The following P2RY12 variants were observed in gnomAD, a reference collection of about 807,000 sequenced individuals.
P2RY12 encodes P2Y purinoceptor 12.
In P2RY12, 3 loss-of-function variants were observed where a neutral mutation model predicts 4.5. That is an observed-to-expected ratio of 0.67 (90% CI 0.31 to 1.74). The LOEUF is 1.74. Among genes scored for constraint, P2RY12 ranks in the 40% most tolerant of loss-of-function variants. P2RY12 has a pLI of 0.09. For missense variants in P2RY12, 356 were observed against 407.8 expected (o/e 0.87, Z 1.09); for synonymous variants, 148 against 154.1 (o/e 0.96, Z 0.29).
At chr3:151,374,381 C>T (rs1186791627) in intron 1 of P2RY12, among the ~76,000 whole-genome samples, 1 of 152,094 alleles carries the variant, frequency 6.6e-6, no homozygotes, top group African/African-American at 2.4e-5. Context: ...AACCCCATCT[C>T]TACTAAAAAT....
rs777316609 is a variant in P2RY12, at chr3:151,338,496, A to G, written c.350T>C (p.Leu117Pro). The G allele has an allele frequency of 1.9e-6, 3 of 1,613,870 alleles. No individual in the cohort carries two copies. In the East Asian group the frequency reaches 6.7e-5, roughly 36 times the overall value. ...CTTCTGGTAGCGATCGATAGTTATC[A>G]GTCCCAGGAATGAAATACTGATATA... The part of the protein sequence containing the change: ...TMYISISFLG[L>P]ITIDRYQKTT... Residue 117 changes from leucine (L) to proline (P), a missense_variant, in exon 3 of 3, where the codon CTG becomes CCG. Physicochemically the swap from Leu to Pro is moderately conservative, Grantham distance 98. Coordinates refer to ENST00000302632, the MANE Select transcript of P2RY12 (RefSeq NM_022788.5).
intron 1 of P2RY12, chr3:151,357,265 G>T: frequency 6.2e-7 from 1 of 1,613,612 alleles, no homozygotes; most frequent in South Asian, 1.1e-5. Flanking sequence ...AAATCCTCCA[G>T]CCTGGCAGGA....
At chr3:151,378,248 G>A in intron 1 of P2RY12, 1 of 1,398,396 alleles carries the variant, frequency 7.2e-7, no homozygotes, top group Non-Finnish European at 9.5e-7. Context: ...GTAAACCTGT[G>A]TGGTCACTGT....
intron 1 of P2RY12, among the ~76,000 whole-genome samples, chr3:151,377,446 C>T (rs992827831): frequency 2.0e-5 from 3 of 152,094 alleles, no homozygotes; most frequent in African/African-American, 7.2e-5. Flanking sequence ...TACTGTGTTA[C>T]GTAGTATTCA....
intron 1 of P2RY12, among the ~76,000 whole-genome samples, chr3:151,371,378 A>C (rs1363803981): frequency 6.6e-6 from 1 of 152,234 alleles, no homozygotes; most frequent in African/African-American, 2.4e-5. Flanking sequence ...TGCAGAATTT[A>C]GTCTTTTCTT....
intron 1 of P2RY12, chr3:151,357,277 G>A: frequency 6.2e-7 from 1 of 1,613,786 alleles, no homozygotes; most frequent in Non-Finnish European, 8.5e-7. Context: ...CTGGCAGGAA[G>A]TTATACAACA....
At chr3:151,354,410 G>A (rs768895708) in intron 1 of P2RY12, among the ~76,000 whole-genome samples, 9 of 151,936 alleles carry the variant, frequency 5.9e-5, no homozygotes, top group Non-Finnish European at 1.0e-4. Context: ...CTTCATTAAT[G>A]TGGAATGATT....
chr3:151,373,643 C>G (rs1756456490), intron 1 of P2RY12, among the ~76,000 whole-genome samples: 2 of 152,054 alleles, frequency 1.3e-5, no homozygotes, highest in African/African-American at 4.8e-5. Flanking sequence ...CCTCCTCTCC[C>G]CTGTTTATTT....
chr3:151,383,210 T>G (rs562275842), intron 1 of P2RY12, among the ~76,000 whole-genome samples: 2 of 152,256 alleles, frequency 1.3e-5, no homozygotes, highest in Non-Finnish European at 2.9e-5. Context: ...TTGAGTTTTC[T>G]TTTCCCATCA....
chr3:151,374,858 C>T (rs914527577), intron 1 of P2RY12, among the ~76,000 whole-genome samples: 7 of 152,132 alleles, frequency 4.6e-5, no homozygotes, highest in African/African-American at 1.7e-4. Flanking sequence ...TCCCATATCC[C>T]TCTTACCAGA....
At chr3:151,377,120 A>G (rs1379592137) in intron 1 of P2RY12, 3 of 1,613,944 alleles carry the variant, frequency 1.9e-6, no homozygotes, top group Non-Finnish European at 1.7e-6. Flanking sequence ...CAACCCAAAC[A>G]GTATTGGAAG....
At position 151,340,882 on chromosome 3, in the gene P2RY12, T is replaced by C. The variant is rs548451133; in HGVS notation, c.-179-122A>G. The C allele has an allele frequency of 1.1e-3, 171 of 152,416 alleles. 3 individuals carry two copies. Among genetic ancestry groups the C allele is most frequent in the African/African-American group, 3.6e-3 (148 of 41,590 alleles). 9.4% of individuals were successfully genotyped at this position (152,416 alleles called of 1,614,324 possible). A position where few individuals can be genotyped will look rare whatever the true frequency, so the allele number is the denominator to read the frequency against. ...TGTCCTCTTTTAGGACTTCTGCTTT[T>C]ATTTCCCAGGAAATGTGGGATGAGG... On this transcript the variant is annotated intron_variant, in intron 1 of 2. Coordinates refer to ENST00000302632, the MANE Select transcript of P2RY12 (RefSeq NM_022788.5).
At chr3:151,365,772 A>G (rs1310869844) in intron 1 of P2RY12, 7 of 1,227,204 alleles carry the variant, frequency 5.7e-6, no homozygotes, top group African/African-American at 3.0e-5. Flanking sequence ...AGTGAAATAT[A>G]TGTTAATTAA....
At chr3:151,378,323 C>G (rs1711587454) in intron 1 of P2RY12, 7 of 818,848 alleles carry the variant, frequency 8.5e-6, no homozygotes, top group Admixed American at 3.5e-5. Flanking sequence ...GCAAGGCTGT[C>G]TTATTCCTAA....
chr3:151,347,933 C>G (rs954095624), intron 1 of P2RY12, among the ~76,000 whole-genome samples: 4 of 152,108 alleles, frequency 2.6e-5, no homozygotes, highest in African/African-American at 9.7e-5. Context: ...CAAGCTTGGG[C>G]TATTATCAGT....
intron 1 of P2RY12, among the ~76,000 whole-genome samples, chr3:151,342,768 A>T (rs1752032961): frequency 6.6e-6 from 1 of 152,224 alleles, no homozygotes; most frequent in Non-Finnish European, 1.5e-5. Flanking sequence ...ATTGTAAACA[A>T]ATCTTAGCCT....
chr3:151,369,587 C>A (rs1755928475), intron 1 of P2RY12: 45 of 1,348,638 alleles, frequency 3.3e-5, no homozygotes, highest in Non-Finnish European at 4.5e-5. Context: ...TGGTTAATCA[C>A]CAGAAATGAA....
chr3:151,366,130 A>G (rs1436209933), intron 1 of P2RY12: 2 of 670,548 alleles, frequency 3.0e-6, no homozygotes, highest in Non-Finnish European at 4.4e-6. Context: ...GTCCAAAAGC[A>G]GTAAACCACA....
At chr3:151,367,633 G>GT in intron 1 of P2RY12, 2 of 1,597,348 alleles carry the variant, frequency 1.3e-6, no homozygotes, top group Non-Finnish European at 1.7e-6. Flanking sequence ...ACCTGTCAAT[G>GT]TTTTTCTTGA....
Sources: gnomAD v4.1 joint callset for allele counts (sites outside exome capture counted in the v4.1 genomes callset) on GRCh38, gnomAD v4.1.1 for gene constraint, MANE v1.5 for transcripts, NCBI Gene and HGNC (gene_info 2026-07-23, HGNC 2026-07-21) for gene names.